LHFPL3: variants seen among roughly 807,000 people sequenced by gnomAD.
LHFPL3 encodes the protein LHFPL tetraspan subfamily member 3, also known as LHFPL tetraspan subfamily member 3 protein.
LHFPL3 carries 5 observed loss-of-function variants against 19.3 expected under a neutral mutation model. The observed-to-expected ratio is 0.26, with a 90% CI of 0.14 to 0.54. The LOEUF (loss-of-function observed/expected upper bound fraction) is 0.54. Ranked by LOEUF, LHFPL3 falls within the 20% of genes least tolerant of loss-of-function variation. The pLI is 0.94. For synonymous variants in LHFPL3, 133 were observed against 126.2 expected (o/e 1.05, Z -0.36); for missense variants, 249 against 307.4 (o/e 0.81, Z 1.42).
At chr7:104,620,607 G>T (rs1791426873) in intron 1 of LHFPL3, among the ~76,000 whole-genome samples, 1 of 151,954 alleles carries the variant, frequency 6.6e-6, no homozygotes, top group Non-Finnish European at 1.5e-5. Flanking sequence ...TTTGTCCTTT[G>T]TTATACACAG....
At chr7:104,341,932 G>A (rs1789963008) in intron 1 of LHFPL3, among the ~76,000 whole-genome samples, 1 of 152,196 alleles carries the variant, frequency 6.6e-6, no homozygotes, top group Non-Finnish European at 1.5e-5. Flanking sequence ...TCACACAGTA[G>A]AAGGGAAAGC....
At chr7:104,762,495 G>A (rs1343767421) in intron 2 of LHFPL3, among the ~76,000 whole-genome samples, 1 of 152,094 alleles carries the variant, frequency 6.6e-6, no homozygotes, top group African/African-American at 2.4e-5. Context: ...GGCAGGAGGG[G>A]TAAGGCAACG....
At chr7:104,526,471 C>T (rs1794190071) in intron 1 of LHFPL3, among the ~76,000 whole-genome samples, 1 of 152,204 alleles carries the variant, frequency 6.6e-6, no homozygotes, top group African/African-American at 2.4e-5. Context: ...ATGGCAAATT[C>T]ATTAGCTACT....
At chr7:104,848,911 G>GTTGT (rs1791364685) in intron 2 of LHFPL3, among the ~76,000 whole-genome samples, 1 of 147,200 alleles carries the variant, frequency 6.8e-6, no homozygotes, top group South Asian at 2.1e-4. Flanking sequence ...TTTTTTTTTT[G>GTTGT]TTGTTGTTGT....
At chr7:104,610,780 T>A (rs1271067426) in intron 1 of LHFPL3, among the ~76,000 whole-genome samples, 1 of 152,228 alleles carries the variant, frequency 6.6e-6, no homozygotes, top group Non-Finnish European at 1.5e-5. Flanking sequence ...AGAAACACCC[T>A]CATAGGCACA....
At chr7:104,378,086 T>A (rs1254311914) in intron 1 of LHFPL3, among the ~76,000 whole-genome samples, 2 of 152,212 alleles carry the variant, frequency 1.3e-5, no homozygotes, top group Admixed American at 1.3e-4. Flanking sequence ...ATGTACAGTT[T>A]ATAGAGTTTT....
chr7:104,887,285 T>C (rs779707338), intron 2 of LHFPL3, among the ~76,000 whole-genome samples: 5 of 152,188 alleles, frequency 3.3e-5, no homozygotes, highest in Non-Finnish European at 5.9e-5. Context: ...GGTTCCCCCA[T>C]AGATAGATGC....
At chr7:104,640,412 GT>G (rs1289383787) in intron 1 of LHFPL3, among the ~76,000 whole-genome samples, 1 of 152,176 alleles carries the variant, frequency 6.6e-6, no homozygotes, top group African/African-American at 2.4e-5. Context: ...GAGGATGATA[GT>G]TTCCAGCTTC....
At chr7:104,488,507 T>C (rs1416325860) in intron 1 of LHFPL3, among the ~76,000 whole-genome samples, 1 of 152,164 alleles carries the variant, frequency 6.6e-6, no homozygotes, top group Non-Finnish European at 1.5e-5. Flanking sequence ...ATTTTCACTT[T>C]AGAAGTATGA....
chr7:104,576,069 A>T (rs962306262), intron 1 of LHFPL3, among the ~76,000 whole-genome samples: 2 of 152,194 alleles, frequency 1.3e-5, no homozygotes, highest in Non-Finnish European at 2.9e-5. Flanking sequence ...AAGTCAATGA[A>T]TGATTTTATA....
chr7:104,627,517 G>C (rs930932950), intron 1 of LHFPL3, among the ~76,000 whole-genome samples: 2 of 152,118 alleles, frequency 1.3e-5, no homozygotes, highest in Non-Finnish European at 2.9e-5. Context: ...TCCAAGAAAG[G>C]TATGCAATTT....
At chr7:104,717,742 G>A (rs1483221029) in intron 1 of LHFPL3, among the ~76,000 whole-genome samples, 1 of 152,068 alleles carries the variant, frequency 6.6e-6, no homozygotes, top group African/African-American at 2.4e-5. Context: ...AAAACTATAT[G>A]GCAGTTCCTC....
chr7:104,423,635 G>A (rs1341294084), intron 1 of LHFPL3, among the ~76,000 whole-genome samples: 1 of 152,134 alleles, frequency 6.6e-6, no homozygotes, highest in East Asian at 1.9e-4. Flanking sequence ...CACTCAGCCT[G>A]GGTGACAGAG....
chr7:104,430,408 A>ATGTG (rs1791955944), intron 1 of LHFPL3, among the ~76,000 whole-genome samples: 1 of 32,510 alleles, frequency 3.1e-5, no homozygotes, highest in African/African-American at 2.1e-4. Context: ...ATATATACAT[A>ATGTG]TATATATATA....
rs74855204 is a variant in LHFPL3 at position 104,458,647 on chromosome 7, T to G, written c.445+129423T>G. Among the ~76,000 whole-genome samples the G allele has an allele frequency of 0.012, 1,795 of 152,162 alleles. 135 individuals are homozygous for G. In the East Asian group the frequency reaches 0.24, roughly 20 times the overall value. On this transcript the variant is annotated intron_variant, in intron 1 of 2. Coordinates refer to ENST00000424859, the MANE Select transcript of LHFPL3 (RefSeq NM_199000.3). ...CTTTAAAGTAGTTTTTTCCAATTCTTTGAAGAAAGTCATTGGTAGCTTGAT... is the reference window on the plus strand; with the variant it reads ...CTTTAAAGTAGTTTTTTCCAATTCTGTGAAGAAAGTCATTGGTAGCTTGAT...
At chr7:104,482,943 C>T (rs559522989) in intron 1 of LHFPL3, among the ~76,000 whole-genome samples, 2 of 152,274 alleles carry the variant, frequency 1.3e-5, no homozygotes, top group East Asian at 1.9e-4. Context: ...ATTATCTGCC[C>T]GTATTGACGT....
intron 1 of LHFPL3, among the ~76,000 whole-genome samples, chr7:104,588,267 T>C (rs1790627906): frequency 6.6e-6 from 1 of 152,236 alleles, no homozygotes; most frequent in Non-Finnish European, 1.5e-5. Context: ...ATTTAAGTCT[T>C]TAATCCATCT....
At chr7:104,765,879 G>A (rs558099148) in intron 2 of LHFPL3, among the ~76,000 whole-genome samples, 20 of 152,318 alleles carry the variant, frequency 1.3e-4, no homozygotes, top group South Asian at 6.2e-4. Flanking sequence ...ACACACTTGT[G>A]CAGAAGTGTT....
intron 2 of LHFPL3, among the ~76,000 whole-genome samples, chr7:104,761,369 T>G (rs1794368855): frequency 1.3e-5 from 2 of 152,102 alleles, no homozygotes; most frequent in Admixed American, 6.6e-5. Flanking sequence ...TGTGGGTGTA[T>G]TTGAATAAAT....
Sources: gnomAD v4.1 joint callset for allele counts (sites outside exome capture counted in the v4.1 genomes callset) on GRCh38, gnomAD v4.1.1 for gene constraint, MANE v1.5 for transcripts, NCBI Gene and HGNC (gene_info 2026-07-23, HGNC 2026-07-21) for gene names.